CADM2: variants seen among roughly 807,000 people sequenced by gnomAD.
CADM2 encodes the protein immunoglobulin superfamily member 4D.
Under a neutral mutation model 49.8 loss-of-function variants are expected in CADM2, and 12 were observed. The observed-to-expected ratio is 0.24, with a 90% CI of 0.15 to 0.39. The LOEUF (loss-of-function observed/expected upper bound fraction) is 0.39. CADM2 is among the 10% of genes least tolerant of loss of function. CADM2 has a pLI of 1.00. For synonymous variants in CADM2, 214 were observed against 175.4 expected, an observed-to-expected ratio of 1.22 and a Z score of -1.74; for missense variants, 378 against 492.3, an observed-to-expected ratio of 0.77 and a Z score of 2.20.
intron 1 of CADM2, among the ~76,000 whole-genome samples, chr3:85,363,517 G>A (rs2032510395): frequency 6.6e-6 from 1 of 151,426 alleles, no homozygotes; most frequent in African/African-American, 2.4e-5. Flanking sequence ...AAAAAAAAAG[G>A]TTTAGTCTTT....
At chr3:85,121,638 T>C (rs577854831) in intron 1 of CADM2, among the ~76,000 whole-genome samples, 10 of 152,198 alleles carry the variant, frequency 6.6e-5, no homozygotes, top group Non-Finnish European at 1.3e-4. Flanking sequence ...AGATATATTT[T>C]GTGTTATTTA....
At chr3:85,990,634 G>A (rs1040082772) in intron 8 of CADM2, among the ~76,000 whole-genome samples, 2 of 151,964 alleles carry the variant, frequency 1.3e-5, no homozygotes, top group Non-Finnish European at 2.9e-5. Flanking sequence ...TTAAAACAAT[G>A]GCTGGTTCAC....
intron 1 of CADM2, among the ~76,000 whole-genome samples, chr3:85,682,655 C>T (rs1254610757): frequency 6.6e-6 from 1 of 151,892 alleles, no homozygotes; most frequent in East Asian, 1.9e-4. Context: ...GGCAAGAACA[C>T]TAAATTTTTC....
At chr3:85,121,233 T>G (rs2038852432) in intron 1 of CADM2, among the ~76,000 whole-genome samples, 1 of 152,188 alleles carries the variant, frequency 6.6e-6, no homozygotes, top group African/African-American at 2.4e-5. Context: ...AAACACTCAC[T>G]GTCATTTTGA....
intron 1 of CADM2, among the ~76,000 whole-genome samples, chr3:85,125,278 A>G (rs1451301903): frequency 1.3e-5 from 2 of 152,218 alleles, no homozygotes; most frequent in African/African-American, 4.8e-5. Flanking sequence ...AATATATGAG[A>G]TGGCATATTT....
intron 3 of CADM2, among the ~76,000 whole-genome samples, chr3:85,805,182 A>C (rs948616496): frequency 5.9e-5 from 9 of 152,070 alleles, no homozygotes; most frequent in Non-Finnish European, 1.2e-4. Flanking sequence ...GAGCTCAAGC[A>C]ATCCTCCTGC....
intron 8 of CADM2, among the ~76,000 whole-genome samples, chr3:86,001,174 T>C (rs1296090304): frequency 1.3e-5 from 2 of 152,182 alleles, no homozygotes; most frequent in Non-Finnish European, 2.9e-5. Context: ...GTGTTGCCAT[T>C]CAGTGAGATA....
At chr3:85,148,332 G>C (rs543020829) in intron 1 of CADM2, among the ~76,000 whole-genome samples, 1 of 152,024 alleles carries the variant, frequency 6.6e-6, no homozygotes. Flanking sequence ...TGAGATGAGG[G>C]GCAGCACACT....
intron 1 of CADM2, among the ~76,000 whole-genome samples, chr3:85,359,694 C>CAAAGA (rs2032211810): frequency 2.4e-5 from 1 of 42,198 alleles, no homozygotes; most frequent in African/African-American, 7.8e-5. Context: ...GGGGAGAAGA[C>CAAAGA]AAAGAAAAGG....
chr3:85,221,665 A>T (rs1038051201), intron 1 of CADM2, among the ~76,000 whole-genome samples: 1 of 152,164 alleles, frequency 6.6e-6, no homozygotes, highest in Non-Finnish European at 1.5e-5. Flanking sequence ...AATATATATA[A>T]GAAAAAGTAA....
At chr3:85,348,336 T>A (rs1468136962) in intron 1 of CADM2, among the ~76,000 whole-genome samples, 2 of 152,162 alleles carry the variant, frequency 1.3e-5, no homozygotes, top group African/African-American at 2.4e-5. Context: ...TCTTCAACAG[T>A]CTAGCAGCTT....
chr3:86,058,122 C>A (rs894961220), intron 8 of CADM2, among the ~76,000 whole-genome samples: 1 of 152,144 alleles, frequency 6.6e-6, no homozygotes. Flanking sequence ...TTAATCCTCA[C>A]CCATCAGACT....
chr3:85,031,710 C>T (rs940173169), intron 1 of CADM2, among the ~76,000 whole-genome samples: 6 of 151,446 alleles, frequency 4.0e-5, no homozygotes, highest in East Asian at 2.0e-4. Flanking sequence ...TTAGTAGATA[C>T]GGGGTTTCAC....
intron 1 of CADM2, among the ~76,000 whole-genome samples, chr3:85,453,111 G>C (rs1320080952): frequency 6.6e-6 from 1 of 152,118 alleles, no homozygotes; most frequent in African/African-American, 2.4e-5. Context: ...TTGTTTACCT[G>C]AAATAACTTT....
intron 1 of CADM2, among the ~76,000 whole-genome samples, chr3:85,271,785 A>C (rs2043249362): frequency 6.6e-6 from 1 of 151,270 alleles, no homozygotes; most frequent in Admixed American, 6.6e-5. Flanking sequence ...GACAAAACCC[A>C]AAAATAAAAT....
At chr3:85,403,119 A>C (rs1405893066) in intron 1 of CADM2, among the ~76,000 whole-genome samples, 2 of 152,160 alleles carry the variant, frequency 1.3e-5, no homozygotes, top group Non-Finnish European at 2.9e-5. Flanking sequence ...GGTTTAAGAA[A>C]AAATGAATGA....
Position 85,958,988 on chromosome 3 carries a change from G to T in CADM2, c.792-2481G>T, listed in dbSNP as rs544384814. ...ACAAGTATACCTACGTAACAAGCCT[G>T]CATGTTCTACACATGTTTCGTGGAA... On this transcript the variant is annotated intron_variant, in intron 7 of 9. Coordinates refer to ENST00000383699, the MANE Select transcript of CADM2 (RefSeq NM_001167675.2). Among the ~76,000 whole-genome samples, 35 of 151,236 alleles carry T rather than the reference G, an allele frequency of 2.3e-4. No individual in the cohort carries two copies. In the South Asian group the frequency reaches 5.0e-3, roughly 22 times the overall value.
intron 1 of CADM2, among the ~76,000 whole-genome samples, chr3:85,132,626 T>TTTTATATA (rs1553686672): frequency 2.4e-4 from 35 of 146,890 alleles, no homozygotes; most frequent in African/African-American, 8.7e-4. Context: ...CAAGGATATA[T>TTTTATATA]TATATATATA....
intron 8 of CADM2, among the ~76,000 whole-genome samples, chr3:86,063,286 CAT>C (rs1285208756): frequency 6.6e-6 from 1 of 152,148 alleles, no homozygotes; most frequent in African/African-American, 2.4e-5. Flanking sequence ...ACACAATACA[CAT>C]GATAGAGGAG....
Sources: allele counts gnomAD v4.1 joint callset (sites outside exome capture counted in the v4.1 genomes callset), GRCh38; gene constraint gnomAD v4.1.1; transcripts MANE v1.5; gene names NCBI Gene and HGNC (gene_info 2026-07-23, HGNC 2026-07-21).